DPYS: variants seen among roughly 807,000 people sequenced by gnomAD.
DPYS encodes the protein dihydropyrimidine amidohydrolase.
A neutral mutation model predicts 50.3 loss-of-function variants in DPYS; 39 were observed. That is an observed-to-expected ratio of 0.78 (90% CI 0.60 to 1.01). DPYS has a LOEUF of 1.01. Ranked by LOEUF, DPYS falls within the 50% of genes least tolerant of loss-of-function variation. DPYS has a pLI of 0.00. For synonymous variants in DPYS, 245 were observed against 250.7 expected, an observed-to-expected ratio of 0.98 and a Z score of 0.22; for missense variants, 659 against 680.9, an observed-to-expected ratio of 0.97 and a Z score of 0.36.
Position 104,466,676 on chromosome 8 carries a change from T to A in DPYS, c.245A>T (p.Asp82Val). 6.6e-7 allele frequency: 1 copy of A among 1,522,742 alleles called. No homozygotes were observed. The highest frequency in any genetic ancestry group is 8.8e-7 in the Non-Finnish European group (1 of 1,138,666). The allele number at this position is 1,522,742 out of a possible 1,614,324, so 94.3% of individuals were successfully genotyped here. A position where few individuals can be genotyped will look rare whatever the true frequency, so the allele number is the denominator to read the frequency against. ...GGGTACCTTGGTGCCCTGGTGGAAG[T>A]CGTCGATGGACCGCGAGCCCATGAA... Reference protein sequence around the residue: ...FPFMGSRSIDDFHQGTKAALS... With the variant: ...FPFMGSRSIDVFHQGTKAALS... The change falls in exon 1 of 10, where the codon GAC becomes GTC. Residue 82 changes from aspartate to valine, a missense_variant. Coordinates refer to ENST00000351513, the MANE Select transcript of DPYS (RefSeq NM_001385.3).
chr8:104,414,253 C>T (rs1246126807), intron 7 of DPYS, among the ~76,000 whole-genome samples: 4 of 152,076 alleles, frequency 2.6e-5, no homozygotes, highest in Non-Finnish European at 5.9e-5. Context: ...CATTTGGGGG[C>T]GCTAATTGGA....
chr8:104,410,896 C>T (rs1351139059), intron 7 of DPYS, among the ~76,000 whole-genome samples: 3 of 152,102 alleles, frequency 2.0e-5, no homozygotes, highest in Non-Finnish European at 4.4e-5. Flanking sequence ...GATGGCTTTA[C>T]TGTCCCCATC....
At chr8:104,424,554 T>A (rs1812656916) in intron 6 of DPYS, among the ~76,000 whole-genome samples, 165 bp from the exon 7 acceptor site, 1 of 152,194 alleles carries the variant, frequency 6.6e-6, no homozygotes. Flanking sequence ...ATAATGCCAA[T>A]GATGGAGATG....
chr8:104,381,648 T>C (rs16871361), intron 8 of DPYS, among the ~76,000 whole-genome samples: 14,192 of 152,182 alleles, frequency 0.093, 984 homozygotes, highest in African/African-American at 0.2. Context: ...CCTACTCACC[T>C]GAGTTTGCAG....
chr8:104,392,690 G>A, intron 8 of DPYS, 94 bp downstream of exon 8: 10 of 1,453,484 alleles, frequency 6.9e-6, no homozygotes, highest in Non-Finnish European at 9.6e-6. Flanking sequence ...CAAGTGTGAT[G>A]TGTCAACACC....
chr8:104,445,408 C>T (rs193265626), intron 3 of DPYS, among the ~76,000 whole-genome samples: 1 of 152,224 alleles, frequency 6.6e-6, no homozygotes, highest in Admixed American at 6.5e-5. Context: ...AAATGTGTTA[C>T]ATATACACAA....
intron 4 of DPYS, among the ~76,000 whole-genome samples, chr8:104,437,247 C>T (rs917771625): frequency 6.6e-6 from 1 of 152,116 alleles, no homozygotes; most frequent in Non-Finnish European, 1.5e-5. Context: ...AGGCCTACTA[C>T]TAAATATAGC....
intron 7 of DPYS, chr8:104,423,824 C>G: frequency 3.0e-6 from 1 of 334,766 alleles, no homozygotes; most frequent in Non-Finnish European, 4.3e-6. Flanking sequence ...ATTTGGCTAA[C>G]TGAAAGTGAC....
intron 6 of DPYS, 77 bp from the exon 7 acceptor site, chr8:104,424,466 A>G: frequency 1.3e-6 from 2 of 1,487,574 alleles, no homozygotes; most frequent in African/African-American, 2.8e-5. Context: ...CAAGACTTGC[A>G]TCTCTTAAAC....
intron 3 of DPYS, among the ~76,000 whole-genome samples, chr8:104,446,710 T>C (rs556530080): frequency 1.3e-5 from 2 of 152,168 alleles, no homozygotes; most frequent in Admixed American, 6.5e-5. Flanking sequence ...CTCACTTTAA[T>C]GGGAGCTGAG....
At chr8:104,397,173 T>C (rs1454732253) in intron 7 of DPYS, among the ~76,000 whole-genome samples, 1 of 152,180 alleles carries the variant, frequency 6.6e-6, no homozygotes, top group Non-Finnish European at 1.5e-5. Flanking sequence ...CTCCCTGCCC[T>C]AAAACTCCAC....
intron 2 of DPYS, among the ~76,000 whole-genome samples, chr8:104,450,577 T>A (rs1263404079): frequency 6.6e-6 from 1 of 152,242 alleles, no homozygotes; most frequent in Non-Finnish European, 1.5e-5. Context: ...CTCTCAGAAC[T>A]GTCTTTTCTA....
chr8:104,395,173 G>A (rs1191933856), intron 7 of DPYS, among the ~76,000 whole-genome samples: 1 of 151,748 alleles, frequency 6.6e-6, no homozygotes, highest in African/African-American at 2.4e-5. Context: ...TTTTTATATT[G>A]TTTTTGGTAG....
chr8:104,425,071 C>T (rs140358460), intron 6 of DPYS, among the ~76,000 whole-genome samples: 28,491 of 151,820 alleles, frequency 0.19, 3,412 homozygotes, highest in Non-Finnish European at 0.26. Context: ...CTCAGGTGAT[C>T]CACCCTCCTT....
chr8:104,444,258 T>C lies in DPYS; in HGVS notation c.783A>G (p.Ala261=), dbSNP rs1813451733. 3.1e-6 allele frequency: 5 copies of C among 1,614,114 alleles called. No individual in the cohort carries two copies. Among genetic ancestry groups the C allele is most frequent in the African/African-American group, 1.3e-5 (1 of 74,950 alleles). The stretch of plus-strand genomic sequence containing the variant: ...ACATTCGAGAATTACCATCTCTCCT[T>C]GCATCCGCTATCACCTTAGCTGCAG... ...SKSAAKVIAD[A]RRDGKVVYGE... Residue 261 remains alanine, a synonymous_variant, in exon 4 of 10, where the codon GCA becomes GCG. Transcript: ENST00000351513.
intron 7 of DPYS, among the ~76,000 whole-genome samples, chr8:104,416,660 T>A (rs890883100): frequency 4.6e-5 from 4 of 86,684 alleles, no homozygotes; most frequent in Non-Finnish European, 7.2e-5. Context: ...TGCATGTGAG[T>A]GTGTGTGTGT....
chr8:104,428,305 T>C (rs930218484), intron 5 of DPYS, among the ~76,000 whole-genome samples, 184 bp from the exon 6 acceptor site: 1 of 152,212 alleles, frequency 6.6e-6, no homozygotes, highest in African/African-American at 2.4e-5. Context: ...TAGGAAGCAC[T>C]TTCAGAGGAC....
intron 1 of DPYS, among the ~76,000 whole-genome samples, chr8:104,462,392 T>G (rs1048809767): frequency 6.6e-6 from 1 of 152,216 alleles, no homozygotes; most frequent in African/African-American, 2.4e-5. Context: ...ATGTGTGGTG[T>G]GCTTAATCAC....
At chr8:104,396,825 C>CA (rs5893686) in intron 7 of DPYS, among the ~76,000 whole-genome samples, 98,168 of 131,496 alleles carry the variant, frequency 0.75, 37,535 homozygotes, top group Non-Finnish European at 0.88. Context: ...TGCCTCATAC[C>CA]AAAAAAAAAA....
Sources: allele counts gnomAD v4.1 joint callset (sites outside exome capture counted in the v4.1 genomes callset), GRCh38; gene constraint gnomAD v4.1.1; transcripts MANE v1.5; gene names NCBI Gene and HGNC (gene_info 2026-07-23, HGNC 2026-07-21).